The following MAP3K3 variants were observed in gnomAD, a reference collection of about 807,000 sequenced individuals.
The protein encoded by MAP3K3 is MAP/ERK kinase kinase 3.
MAP3K3 carries 12 observed loss-of-function variants against 80.9 expected under a neutral mutation model. The ratio of observed to expected loss-of-function variants is 0.15; its 90% CI spans 0.10 to 0.24. The LOEUF is 0.24. MAP3K3 is among the 10% of genes least tolerant of loss of function. The pLI is 1.00. For synonymous variants in MAP3K3, 272 were observed against 307.1 expected (o/e 0.89, Z 1.19); for missense variants, 596 against 834.7 (o/e 0.71, Z 3.52).
chr17:63,638,132 A>G (rs576869891), intron 2 of MAP3K3, among the ~76,000 whole-genome samples: 2 of 152,322 alleles, frequency 1.3e-5, no homozygotes, highest in Admixed American at 1.3e-4. Flanking sequence ...CTGGCATTAT[A>G]TTTTGTAAGA....
At chr17:63,632,876 CAAG>C (rs2034246655) in intron 2 of MAP3K3, 74 bp downstream of exon 2, 2 of 1,585,754 alleles carry the variant, frequency 1.3e-6, no homozygotes, top group Non-Finnish European at 1.7e-6. Flanking sequence ...TACGAAAAGC[CAAG>C]GAGACTACAT....
At chr17:63,645,097 CTTCAA>C (rs2034516038) in intron 2 of MAP3K3, among the ~76,000 whole-genome samples, 3 of 152,172 alleles carry the variant, frequency 2.0e-5, no homozygotes, top group South Asian at 4.1e-4. Flanking sequence ...TACTTCTGTT[CTTCAA>C]TTCATTCAAC....
Position 63,661,365 on chromosome 17 carries a change from G to A in MAP3K3, c.381+3458G>A, listed in dbSNP as rs112060713. The stretch of plus-strand genomic sequence containing the variant: ...TCTGGCCAGTCTCTTTGTCTGAAAA[G>A]CCTCTCTCTAGCCTTGGTCTCTACC... On this transcript the variant is annotated intron_variant, in intron 5 of 15. Coordinates refer to ENST00000361733, the MANE Select transcript of MAP3K3 (RefSeq NM_002401.5). Among the ~76,000 whole-genome samples, 399 of 152,278 alleles carry A rather than the reference G, an allele frequency of 2.6e-3. 2 individuals carry two copies. Among genetic ancestry groups the A allele is most frequent in the African/African-American group, 9.3e-3 (388 of 41,558 alleles).
At chr17:63,636,578 G>A (rs1269283988) in intron 2 of MAP3K3, 1 of 166,192 alleles carries the variant, frequency 6.0e-6, no homozygotes, top group East Asian at 1.8e-4. Context: ...ACTTAGTATA[G>A]TGAAAAGAGT....
chr17:63,690,349 C>T lies in MAP3K3; in HGVS notation c.1149C>T (p.Asp383=). Residue 383 remains aspartate (D), a synonymous_variant, in exon 12 of 16, where the codon GAC becomes GAT. Coordinates refer to ENST00000361733, the MANE Select transcript of MAP3K3 (RefSeq NM_002401.5). ...GGGTCTATTTGTGCTATGACGTGGA[C>T]ACGGGACGTGAACTTGCTTCCAAGC... The part of the protein sequence containing the change: ...FGRVYLCYDV[D]TGRELASKQV... The T allele has an allele frequency of 6.2e-7, 1 of 1,614,172 alleles. No individual in the cohort carries two copies. The highest frequency in any genetic ancestry group is 1.7e-5 in the Admixed American group (1 of 60,018).
rs2035632451 is a variant in MAP3K3 at position 63,693,377 on chromosome 17, G to A, written c.1653-172G>A. Among the ~76,000 whole-genome samples, 1 of 152,182 alleles carries A rather than the reference G, an allele frequency of 6.6e-6. No individual in the cohort carries two copies. Among genetic ancestry groups the A allele is most frequent in the Non-Finnish European group, 1.5e-5 (1 of 68,034 alleles). On this transcript the variant is annotated intron_variant, in intron 15 of 15. Transcript: ENST00000361733. This position sits in a 1 kb window ranked among gnomAD's most constrained non-coding sequence, Gnocchi z 4.2. ...CAAGAAGTACCCAGGTGTGTGGTGAGTGTAGGTCCATGAAGCCCACGTGGA... is the reference window on the plus strand; with the variant it reads ...CAAGAAGTACCCAGGTGTGTGGTGAATGTAGGTCCATGAAGCCCACGTGGA...
intron 4 of MAP3K3, among the ~76,000 whole-genome samples, chr17:63,656,783 G>A (rs1198794596): frequency 6.6e-6 from 1 of 152,128 alleles, no homozygotes; most frequent in Non-Finnish European, 1.5e-5. Context: ...TGGAACGTAT[G>A]AGTGTATTAG....
At chr17:63,630,266 C>T (rs533748090) in intron 1 of MAP3K3, among the ~76,000 whole-genome samples, 2 of 152,210 alleles carry the variant, frequency 1.3e-5, no homozygotes, top group African/African-American at 4.8e-5. Context: ...ATCTTCCTAG[C>T]TTAGATGTTA....
At chr17:63,622,815 G>T in intron 1 of MAP3K3, 52 bp downstream of exon 1, 2 of 448,422 alleles carry the variant, frequency 4.5e-6, no homozygotes, top group Non-Finnish European at 8.8e-6. Context: ...GCGACGCCCC[G>T]CCCCAGGCTG....
intron 1 of MAP3K3, among the ~76,000 whole-genome samples, chr17:63,631,808 C>T (rs6504170): frequency 0.34 from 51,609 of 152,040 alleles, 10,544 homozygotes; most frequent in African/African-American, 0.57. Flanking sequence ...TTGACTTCCC[C>T]ATGGGAAGTA....
chr17:63,659,233 C>T (rs1221223172), intron 5 of MAP3K3, among the ~76,000 whole-genome samples: 1 of 152,066 alleles, frequency 6.6e-6, no homozygotes, highest in Non-Finnish European at 1.5e-5. Context: ...TCTCTTGAGT[C>T]GATATACCAT....
intron 5 of MAP3K3, 132 bp downstream of exon 5, chr17:63,658,039 C>T: frequency 2.3e-6 from 1 of 443,348 alleles, no homozygotes; most frequent in Non-Finnish European, 4.1e-6. Context: ...ACAGCACAGC[C>T]CACTTGTCAG....
intron 3 of MAP3K3, 34 bp downstream of exon 3, chr17:63,646,108 T>C (rs1437605341): frequency 1.2e-5 from 20 of 1,604,630 alleles, no homozygotes; most frequent in Admixed American, 5.0e-5. Flanking sequence ...GCTGTGTTCA[T>C]GTATGCCAAA....
intron 2 of MAP3K3, among the ~76,000 whole-genome samples, chr17:63,634,370 G>A (rs892618817): frequency 1.3e-5 from 2 of 152,330 alleles, no homozygotes; most frequent in East Asian, 1.9e-4. Flanking sequence ...AAAAGGGGAA[G>A]CTTTCTTGAA....
At chr17:63,647,836 C>T (rs1032592773) in intron 3 of MAP3K3, among the ~76,000 whole-genome samples, 1 of 152,088 alleles carries the variant, frequency 6.6e-6, no homozygotes, top group Non-Finnish European at 1.5e-5. Context: ...AACTTTTTAC[C>T]TGGAATATGG....
chr17:63,642,679 A>G (rs1262921674), intron 2 of MAP3K3, among the ~76,000 whole-genome samples: 4 of 151,934 alleles, frequency 2.6e-5, no homozygotes, highest in Non-Finnish European at 4.4e-5. Flanking sequence ...AAATAAATAA[A>G]ATGTTGTCCC....
intron 8 of MAP3K3, 80 bp from the exon 9 acceptor site, chr17:63,688,447 G>A: frequency 1.8e-6 from 2 of 1,134,154 alleles, no homozygotes; most frequent in Admixed American, 1.7e-5. Context: ...GCAGGGGTTA[G>A]AAAGGGAGAC....
At chr17:63,668,197 A>C (rs2035036753) in intron 6 of MAP3K3, 2 of 152,220 alleles carry the variant, frequency 1.3e-5, no homozygotes, top group South Asian at 4.1e-4. Context: ...GCTGAGCTTG[A>C]GAGATCTAAG....
At chr17:63,677,612 C>T (rs1206008840) in intron 6 of MAP3K3, among the ~76,000 whole-genome samples, 1 of 152,194 alleles carries the variant, frequency 6.6e-6, no homozygotes, top group Non-Finnish European at 1.5e-5. Context: ...TCCATCTTGT[C>T]TTTGCCTACA....
Sources: allele counts gnomAD v4.1 joint callset (sites outside exome capture counted in the v4.1 genomes callset), GRCh38; gene constraint gnomAD v4.1.1; non-coding constraint Gnocchi (gnomAD v3.1); transcripts MANE v1.5; gene names NCBI Gene and HGNC (gene_info 2026-07-23, HGNC 2026-07-21).